CREB1: variants seen among roughly 807,000 people sequenced by gnomAD.
CREB1 encodes the protein cAMP responsive element binding protein 1.
CREB1 carries 2 observed loss-of-function variants against 42.0 expected under a neutral mutation model. The observed-to-expected ratio is 0.05, with a 90% confidence interval of 0.02 to 0.15. CREB1 has a LOEUF of 0.15. CREB1 is among the 10% of genes least tolerant of loss of function. The probability of loss-of-function intolerance (pLI) is 1.00; values close to 1 mark genes in which losing one functional copy is unlikely to be tolerated. For synonymous variants in CREB1, 123 were observed against 139.9 expected (o/e 0.88, Z 0.85); for missense variants, 199 against 388.9 (o/e 0.51, Z 4.11).
chr2:207,599,629 G>C lies in CREB1; in HGVS notation c.*2571G>C, dbSNP rs1353614622. 1 of 200,282 alleles carries C rather than the reference G, an allele frequency of 5.0e-6. No individual in the cohort carries two copies. Among genetic ancestry groups the C allele is most frequent in the Non-Finnish European group, 1.0e-5 (1 of 97,104 alleles). The allele number at this position is 200,282 out of a possible 1,614,324, so 12.4% of individuals were successfully genotyped here. ...GTATCCTGTTGCTAAATCTGTCTTA[G>C]ACCCTTGGTGAAACTTGAAGATTTC... is the stretch of plus-strand genomic sequence containing the variant. On this transcript the variant is annotated 3_prime_UTR_variant, in exon 8 of 8. Transcript: ENST00000353267.
At chr2:207,573,585 T>G (rs2082457207) in intron 5 of CREB1, among the ~76,000 whole-genome samples, 1 of 152,046 alleles carries the variant, frequency 6.6e-6, no homozygotes, top group South Asian at 2.1e-4. Context: ...AAAAATGTCT[T>G]TAGAAAATTA....
chr2:207,602,850 TG>T lies in CREB1; in HGVS notation c.*5793del, dbSNP rs1013852348. 9.2e-6 allele frequency: 2 copies of T among 218,088 alleles called. No homozygotes were observed. The highest frequency in any genetic ancestry group is 1.8e-5 in the Non-Finnish European group (2 of 108,622). 13.5% of individuals were successfully genotyped at this position (218,088 alleles called of 1,614,324 possible). A position where few individuals can be genotyped will look rare whatever the true frequency, so the allele number is the denominator to read the frequency against. ...TAGTTAGCAGTTTTCCATGTAAAGT[TG>T]TCCTTGACTGATTTGTCCACATGTC... is the stretch of plus-strand genomic sequence containing the variant. On this transcript the variant is annotated 3_prime_UTR_variant, in exon 8 of 8. Coordinates refer to ENST00000353267, the MANE Select transcript of CREB1 (RefSeq NM_004379.5).
chr2:207,548,165 G>A (rs1450641627), intron 1 of CREB1, among the ~76,000 whole-genome samples: 6 of 152,068 alleles, frequency 3.9e-5, no homozygotes, highest in Non-Finnish European at 8.8e-5. Context: ...ACTGCCTCAA[G>A]TAATCTGCCC....
At chr2:207,571,410 T>C (rs1431505025) in intron 5 of CREB1, among the ~76,000 whole-genome samples, 1 of 152,218 alleles carries the variant, frequency 6.6e-6, no homozygotes, top group Non-Finnish European at 1.5e-5. Flanking sequence ...AACTTTGTTT[T>C]GCGTAACTCT....
intron 1 of CREB1, among the ~76,000 whole-genome samples, chr2:207,536,542 C>T (rs145527310): frequency 1.5e-4 from 23 of 151,944 alleles, no homozygotes; most frequent in Admixed American, 1.2e-3. Flanking sequence ...GCGACAAGAG[C>T]GAAACTCTGT....
chr2:207,540,376 C>CA (rs1229100848), intron 1 of CREB1, among the ~76,000 whole-genome samples: 1 of 151,880 alleles, frequency 6.6e-6, no homozygotes, highest in East Asian at 1.9e-4. Flanking sequence ...AATGGTGGCT[C>CA]ACGCCTGTAA....
intron 1 of CREB1, among the ~76,000 whole-genome samples, chr2:207,553,561 G>A (rs2081599664): frequency 6.6e-6 from 1 of 152,042 alleles, no homozygotes; most frequent in Non-Finnish European, 1.5e-5. Flanking sequence ...GGGTGAATAG[G>A]CAAAATGTAA....
At chr2:207,533,830 G>C (rs992687298) in intron 1 of CREB1, among the ~76,000 whole-genome samples, 5 of 152,148 alleles carry the variant, frequency 3.3e-5, no homozygotes, top group African/African-American at 1.2e-4. Context: ...GAAAGAGCAT[G>C]AGGTTTGGAA....
chr2:207,537,775 G>A (rs977600939), intron 1 of CREB1, among the ~76,000 whole-genome samples: 1 of 152,038 alleles, frequency 6.6e-6, no homozygotes, highest in Non-Finnish European at 1.5e-5. Flanking sequence ...TTTTTTTGTT[G>A]TTGTTTTTTG....
intron 1 of CREB1, among the ~76,000 whole-genome samples, chr2:207,542,377 A>G: frequency 6.6e-6 from 1 of 152,148 alleles, no homozygotes; most frequent in East Asian, 1.9e-4. Context: ...ACTGAGTGCA[A>G]AGAGGTAGCT....
chr2:207,557,630 C>T (rs1181131570), intron 2 of CREB1, among the ~76,000 whole-genome samples: 1 of 152,060 alleles, frequency 6.6e-6, no homozygotes, highest in Non-Finnish European at 1.5e-5. Context: ...TGCACTCCAG[C>T]CTGGGTGACA....
In CREB1 at chr2:207,598,950, G is replaced by A. The variant is rs2086622046; in HGVS notation, c.*1892G>A. ...ATTTAGTCAAGAGTTATTTAAGAAA[G>A]TCAAGCTTGTTTAACAACAAAATAT... On this transcript the variant is annotated 3_prime_UTR_variant, in exon 8 of 8. Transcript: ENST00000353267. 5.4e-6 allele frequency: 1 copy of A among 183,720 alleles called. No homozygotes were observed. Among genetic ancestry groups the A allele is most frequent in the South Asian group, 2.0e-4 (1 of 5,112 alleles). 11.4% of individuals were successfully genotyped at this position (183,720 alleles called of 1,614,324 possible).
chr2:207,577,408 T>C, intron 6 of CREB1, 97 bp from the exon 7 acceptor site: 2 of 1,464,168 alleles, frequency 1.4e-6, no homozygotes, highest in Non-Finnish European at 1.8e-6. Flanking sequence ...TTGTTTCCCT[T>C]TTAGTCCAAA....
At chr2:207,533,019 T>A (rs575278589) in intron 1 of CREB1, among the ~76,000 whole-genome samples, 2 of 152,266 alleles carry the variant, frequency 1.3e-5, no homozygotes, top group East Asian at 3.9e-4. Flanking sequence ...ACCTGGAACA[T>A]GTTACTAAAT....
chr2:207,553,062 C>CTT (rs10561230), intron 1 of CREB1, among the ~76,000 whole-genome samples: 68 of 63,208 alleles, frequency 1.1e-3, no homozygotes, highest in African/African-American at 3.5e-3. Flanking sequence ...TACAGGTAGA[C>CTT]TTTTTTTTTT....
chr2:207,534,010 A>G (rs1406791449), intron 1 of CREB1, among the ~76,000 whole-genome samples: 1 of 152,216 alleles, frequency 6.6e-6, no homozygotes, highest in Non-Finnish European at 1.5e-5. Flanking sequence ...AACATAAAGT[A>G]CCTTAGGGCT....
chr2:207,592,923 G>GAAAAAAAAGAA (rs2085357808), intron 7 of CREB1, among the ~76,000 whole-genome samples: 2 of 11,704 alleles, frequency 1.7e-4, no homozygotes, highest in Admixed American at 9.6e-4. Flanking sequence ...AAAAAGAAAA[G>GAAAAAAAAGAA]AAAATTCTCA....
At chr2:207,574,722 GTT>G (rs2082506393) in intron 5 of CREB1, among the ~76,000 whole-genome samples, 1 of 152,160 alleles carries the variant, frequency 6.6e-6, no homozygotes. Context: ...TATTTCAGTT[GTT>G]TCATTGAGTG....
intron 5 of CREB1, among the ~76,000 whole-genome samples, chr2:207,574,567 AAAC>A (rs1389572432): frequency 7.2e-5 from 11 of 152,350 alleles, no homozygotes; most frequent in Admixed American, 3.3e-4. Context: ...ATTAGGGCAT[AAAC>A]AACAAAGGGT....
Sources: allele counts gnomAD v4.1 joint callset (sites outside exome capture counted in the v4.1 genomes callset), GRCh38; gene constraint gnomAD v4.1.1; transcripts MANE v1.5; gene names NCBI Gene and HGNC (gene_info 2026-07-23, HGNC 2026-07-21).